Variants in MRC2 observed in about 807,000 individuals in gnomAD.
MRC2 encodes mannose receptor C-type 2, also known as C-type mannose receptor 2.
MRC2 carries 84 observed loss-of-function variants against 206.2 expected under a neutral mutation model. The ratio of observed to expected loss-of-function variants is 0.41; its 90% CI spans 0.34 to 0.49. The LOEUF (loss-of-function observed/expected upper bound fraction) is 0.49, where lower values mean the gene tolerates loss of function less well. Ranked by LOEUF, MRC2 falls within the 20% of genes least tolerant of loss-of-function variation. The pLI, the probability that MRC2 is intolerant of heterozygous loss-of-function variation, is 0.31. For missense variants in MRC2, 1,676 were observed against 2,001.5 expected, an observed-to-expected ratio of 0.84 and a Z score of 3.10; for synonymous variants, 798 against 800.0, an observed-to-expected ratio of 1.00 and a Z score of 0.04.
In MRC2 at chr17:62,666,634, G is replaced by C; in HGVS notation, c.859+15G>C. On this transcript the variant is annotated intron_variant, in intron 4 of 29. Transcript: ENST00000303375. The surrounding 1 kb of genome is among the most constrained non-coding windows in gnomAD (Gnocchi z 5.0). ...CTACATCAACGGTGAGCCGGGGCCT[G>C]ATGCCTGCTCGTGCCTCTGGAGGGC... The C allele has an allele frequency of 1.3e-6, 2 of 1,556,826 alleles. No individual in the cohort carries two copies. Among genetic ancestry groups the C allele is most frequent in the Non-Finnish European group, 1.7e-6 (2 of 1,150,424 alleles).
At chr17:62,670,252 A>G (rs976265762) in intron 6 of MRC2, among the ~76,000 whole-genome samples, 1 of 152,184 alleles carries the variant, frequency 6.6e-6, no homozygotes, top group Non-Finnish European at 1.5e-5. Flanking sequence ...TCCCCAAAGC[A>G]TCCACATTTC....
At chr17:62,661,467 GA>G (rs576641230) in intron 1 of MRC2, among the ~76,000 whole-genome samples, 208 of 151,840 alleles carry the variant, frequency 1.4e-3, no homozygotes, top group African/African-American at 4.7e-3. Context: ...TTTTTTGGTA[GA>G]AGCTCTTCTT....
rs2089120028 is a variant in MRC2 at position 62,692,200 on chromosome 17, C to T, written c.4220-31C>T. The T allele has an allele frequency of 3.1e-6, 5 of 1,613,696 alleles. No individual in the cohort carries two copies. Among genetic ancestry groups the T allele is most frequent in the Non-Finnish European group, 4.2e-6 (5 of 1,179,844 alleles). Reference sequence around the variant, plus strand: ...GAAGCACTGCTGGGCCTAACGCCCACTTGGCCTTTCACGCCCACTCGCCTT... The same window carrying T: ...GAAGCACTGCTGGGCCTAACGCCCATTTGGCCTTTCACGCCCACTCGCCTT... On this transcript the variant is annotated intron_variant, in intron 29 of 29. Transcript: ENST00000303375. This position sits in a 1 kb window ranked among gnomAD's most constrained non-coding sequence, Gnocchi z 4.2.
chr17:62,643,516 A>G (rs1419458282), intron 1 of MRC2, among the ~76,000 whole-genome samples: 1 of 152,196 alleles, frequency 6.6e-6, no homozygotes. Flanking sequence ...ATCTGTAACA[A>G]ACATGGCAAC....
At chr17:62,663,545 C>A (rs1225309039) in intron 1 of MRC2, among the ~76,000 whole-genome samples, 5 of 152,130 alleles carry the variant, frequency 3.3e-5, no homozygotes, top group African/African-American at 1.2e-4. Context: ...ATTGAAGCTT[C>A]ATTTCTTACT....
At position 62,671,742 on chromosome 17, in the gene MRC2, A is replaced by T; in HGVS notation, c.1211A>T (p.Gln404Leu). ...YRLQAEKRSW[Q>L]ESKKACLRGG... ...CTGCAGGCCGAGAAGCGCAGCTGGC[A>T]GGAGTCCAAGAAGGCATGTCTACGG... Residue 404 changes from glutamine to leucine, a missense_variant, in exon 7 of 30, where the codon CAG becomes CTG. Gln to Leu is a moderately radical substitution (Grantham distance 113). This residue lies in a region of MRC2 where 1,354 missense variants were observed against 1,636.6 expected (regional missense o/e 0.83). Coordinates refer to ENST00000303375, the MANE Select transcript of MRC2 (RefSeq NM_006039.5). This position sits in a 1 kb window ranked among gnomAD's most constrained non-coding sequence, Gnocchi z 4.5. The T allele has an allele frequency of 6.2e-7, 1 of 1,613,354 alleles. No individual in the cohort carries two copies. The highest frequency in any genetic ancestry group is 8.5e-7 in the Non-Finnish European group (1 of 1,179,706).
At chr17:62,649,603 G>A (rs765233088) in intron 1 of MRC2, among the ~76,000 whole-genome samples, 5 of 152,058 alleles carry the variant, frequency 3.3e-5, no homozygotes, top group East Asian at 1.9e-4. Flanking sequence ...AAAGAGTGCC[G>A]TGCCTTGCTT....
At chr17:62,682,563 G>A (rs1376848010) in intron 20 of MRC2, among the ~76,000 whole-genome samples, 186 bp downstream of exon 20, 2 of 152,102 alleles carry the variant, frequency 1.3e-5, no homozygotes, top group East Asian at 3.9e-4. Flanking sequence ...ACTCACTGTA[G>A]TAGCACCTTC....
At position 62,674,603 on chromosome 17, in the gene MRC2, T is replaced by G. The variant is rs142708826; in HGVS notation, c.1569+433T>G. On this transcript the variant is annotated intron_variant, in intron 9 of 29. Coordinates refer to ENST00000303375, the MANE Select transcript of MRC2 (RefSeq NM_006039.5). The stretch of plus-strand genomic sequence containing the variant: ...GACACAGGGCGTGTGCTGGTCTGTC[T>G]CCCCTGGAGGAGTGAGGCCACTCAG... Among the ~76,000 whole-genome samples, 532 of 152,190 alleles carry G rather than the reference T, an allele frequency of 3.5e-3. 7 individuals are homozygous for G. Among genetic ancestry groups the G allele is most frequent in the African/African-American group, 0.012 (493 of 41,516 alleles).
intron 11 of MRC2, 48 bp from the exon 12 acceptor site, chr17:62,677,221 G>A: frequency 1.4e-6 from 2 of 1,470,194 alleles, no homozygotes; most frequent in Non-Finnish European, 1.8e-6. Context: ...GGGAGGACCA[G>A]ACTATGAATC....
rs775278771 is a variant in MRC2, at chr17:62,666,906, G to A, written c.973+36G>A. ...AGGTTGGGGGCGCAGGGCAGCATAG[G>A]GGCCCCGCGGGCTCTTGGCCTCCCA... On this transcript the variant is annotated intron_variant, in intron 5 of 29. Transcript: ENST00000303375. This position sits in a 1 kb window ranked among gnomAD's most constrained non-coding sequence, Gnocchi z 5.0. 6.5e-6 allele frequency: 10 copies of A among 1,536,336 alleles called. No individual in the cohort carries two copies. Among genetic ancestry groups the A allele is most frequent in the Non-Finnish European group, 9.0e-6 (10 of 1,112,906 alleles).
intron 1 of MRC2, among the ~76,000 whole-genome samples, chr17:62,630,000 C>T (rs1440440720): frequency 2.0e-5 from 3 of 152,228 alleles, no homozygotes; most frequent in Non-Finnish European, 4.4e-5. Context: ...ATCTTTTCTC[C>T]ACCTTGGTGG....
Position 62,627,910 on chromosome 17 carries a change from C to G in MRC2, c.108C>G (p.Ala36=). The G allele has an allele frequency of 6.8e-7, 1 of 1,460,818 alleles. No homozygotes were observed. Among genetic ancestry groups the G allele is most frequent in the Non-Finnish European group, 9.0e-7 (1 of 1,113,498 alleles). The allele number at this position is 1,460,818 out of a possible 1,614,324, so 90.5% of individuals were successfully genotyped here. A position where few individuals can be genotyped will look rare whatever the true frequency, so the allele number is the denominator to read the frequency against. ...GCCGTCCCGGCGCCCCTGGGGACGC[C>G]GCCCTCCCGGGTAAGGCGCTGCCAA... is the stretch of plus-strand genomic sequence containing the variant. The part of the protein sequence containing the change: ...HLGRPGAPGD[A]ALPEPNVFLI... Residue 36 remains alanine (A), a synonymous_variant, in exon 1 of 30, where the codon GCC becomes GCG. Transcript: ENST00000303375.
intron 2 of MRC2, among the ~76,000 whole-genome samples, chr17:62,665,724 C>T (rs556753738): frequency 1.3e-5 from 2 of 152,220 alleles, no homozygotes; most frequent in African/African-American, 2.4e-5. Context: ...CCCTGAGTTC[C>T]GAGATAGAAC....
intron 12 of MRC2, among the ~76,000 whole-genome samples, chr17:62,677,975 A>G (rs954720267): frequency 5.9e-5 from 9 of 152,174 alleles, no homozygotes; most frequent in South Asian, 2.1e-4. Flanking sequence ...GCATGAACCC[A>G]GGAGGCGGAG....
rs763029504 is a variant in MRC2, at chr17:62,666,221, C to T, written c.648C>T (p.Thr216=). 11 of 1,602,426 alleles carry T rather than the reference C, an allele frequency of 6.9e-6. No individual in the cohort carries two copies. The highest frequency in any genetic ancestry group is 9.4e-6 in the Non-Finnish European group (11 of 1,174,884). The change falls in exon 3 of 30, where the codon ACC becomes ACT. Residue 216 remains threonine (T), a synonymous_variant. Coordinates refer to ENST00000303375, the MANE Select transcript of MRC2 (RefSeq NM_006039.5). The surrounding 1 kb of genome is among the most constrained non-coding windows in gnomAD (Gnocchi z 5.0). ...ATGGTCACCTGTGGTGTGCCACCAC[C>T]CAGGACTACGGCAAAGACGAGCGCT... ...REDGHLWCAT[T]QDYGKDERWG...
chr17:62,649,457 G>C (rs920093520), intron 1 of MRC2, among the ~76,000 whole-genome samples: 6 of 152,160 alleles, frequency 3.9e-5, no homozygotes, highest in Non-Finnish European at 7.3e-5. Flanking sequence ...GAGGCATGGT[G>C]GTGGGCGCCT....
chr17:62,635,504 A>C (rs1252550352), intron 1 of MRC2, among the ~76,000 whole-genome samples: 2 of 152,126 alleles, frequency 1.3e-5, no homozygotes, highest in Non-Finnish European at 2.9e-5. Context: ...ATGGTTGGGC[A>C]TACCTCTCCC....
chr17:62,690,405 T>A, intron 26 of MRC2, 100 bp downstream of exon 26: 1 of 1,451,342 alleles, frequency 6.9e-7, no homozygotes, highest in South Asian at 1.4e-5. Flanking sequence ...TCTCTACCCA[T>A]AGGCAGCACT....
Sources: gnomAD v4.1 joint callset for allele counts (sites outside exome capture counted in the v4.1 genomes callset) on GRCh38, gnomAD v4.1.1 for gene constraint, gnomAD v4.1.1 regional missense constraint, Gnocchi (gnomAD v3.1) non-coding constraint, MANE v1.5 for transcripts, NCBI Gene and HGNC (gene_info 2026-07-23, HGNC 2026-07-21) for gene names.